Variants in GALNT13 observed in about 807,000 individuals in gnomAD.
GALNT13 encodes polypeptide N-acetylgalactosaminyltransferase 13.
Under a neutral mutation model 64.2 loss-of-function variants are expected in GALNT13, and 28 were observed. The observed-to-expected ratio is 0.44, with a 90% CI of 0.32 to 0.60. The LOEUF (loss-of-function observed/expected upper bound fraction) is 0.60, where lower values mean the gene tolerates loss of function less well. Among genes scored for constraint, GALNT13 ranks in the 20% least tolerant of loss-of-function variants. GALNT13 has a pLI of 0.05. For missense variants in GALNT13, 577 were observed against 669.8 expected (o/e 0.86, Z 1.53); for synonymous variants, 214 against 224.6 (o/e 0.95, Z 0.42).
the GALNT13 span, among the ~76,000 whole-genome samples, chr2:153,184,601 T>C: frequency 7.2e-5 from 11 of 152,172 alleles, no homozygotes; most frequent in African/African-American, 2.4e-4. Flanking sequence ...TGGTTGTGGG[T>C]TTGTCATATA....
intron 3 of GALNT13, among the ~76,000 whole-genome samples, chr2:154,073,657 A>T (rs1031087127): frequency 1.3e-5 from 2 of 151,980 alleles, no homozygotes; most frequent in East Asian, 1.9e-4. Context: ...TTCATTCAAA[A>T]TGCAAGATAA....
At chr2:153,472,690 CAAG>C in the GALNT13 span, among the ~76,000 whole-genome samples, 1 of 152,146 alleles carries the variant, frequency 6.6e-6, no homozygotes, top group South Asian at 2.1e-4. Context: ...TTTACCCACT[CAAG>C]AATACTTCAG....
the GALNT13 span, among the ~76,000 whole-genome samples, chr2:153,426,883 A>G: frequency 6.6e-6 from 1 of 152,062 alleles, no homozygotes; most frequent in African/African-American, 2.4e-5. Flanking sequence ...TTTATGTTTC[A>G]AGATAGCAAA....
chr2:154,401,758 ATAAAT>A (rs1699313039), intron 10 of GALNT13, among the ~76,000 whole-genome samples: 1 of 152,180 alleles, frequency 6.6e-6, no homozygotes, highest in African/African-American at 2.4e-5. Flanking sequence ...TATCCACCAA[ATAAAT>A]TAAATTGTTT....
At chr2:153,538,180 T>C in the GALNT13 span, among the ~76,000 whole-genome samples, 4 of 152,008 alleles carry the variant, frequency 2.6e-5, no homozygotes, top group Admixed American at 2.6e-4. Context: ...TTTTTGGGAA[T>C]TGGAATAAAG....
intron 4 of GALNT13, among the ~76,000 whole-genome samples, chr2:154,206,609 A>G (rs1687470937): frequency 6.6e-6 from 1 of 151,926 alleles, no homozygotes; most frequent in Admixed American, 6.6e-5. Flanking sequence ...AGCCTGACCA[A>G]CTTAGGGAAA....
At chr2:153,632,809 G>T in the GALNT13 span, among the ~76,000 whole-genome samples, 1 of 151,948 alleles carries the variant, frequency 6.6e-6, no homozygotes, top group Non-Finnish European at 1.5e-5. Context: ...CTAGAGTGAG[G>T]TGGGGCAATC....
At chr2:153,625,273 T>C in the GALNT13 span, among the ~76,000 whole-genome samples, 14 of 151,954 alleles carry the variant, frequency 9.2e-5, no homozygotes, top group Non-Finnish European at 1.6e-4. Flanking sequence ...ACCTGATAGA[T>C]GAAATTACCT....
the GALNT13 span, among the ~76,000 whole-genome samples, chr2:153,692,529 G>T: frequency 3.8e-3 from 576 of 152,234 alleles, 3 homozygotes; most frequent in Non-Finnish European, 6.6e-3. Flanking sequence ...TCCAGTTGTT[G>T]CTATTTCCAG....
At chr2:153,393,785 A>G in the GALNT13 span, among the ~76,000 whole-genome samples, 1 of 152,010 alleles carries the variant, frequency 6.6e-6, no homozygotes, top group East Asian at 1.9e-4. Flanking sequence ...CCAGAGGAAG[A>G]GGGGATTTTG....
the GALNT13 span, among the ~76,000 whole-genome samples, chr2:153,442,048 G>A: frequency 1.3e-5 from 2 of 152,158 alleles, no homozygotes; most frequent in Admixed American, 1.3e-4. Context: ...AATGCTTCCA[G>A]CTTTTGCCCA....
chr2:154,053,387 T>TTTC (rs1284022651), intron 3 of GALNT13, among the ~76,000 whole-genome samples: 2 of 152,284 alleles, frequency 1.3e-5, no homozygotes, highest in East Asian at 3.9e-4. Flanking sequence ...CTTAACTTTT[T>TTTC]TTTTTCTTTT....
At chr2:153,628,351 G>T in the GALNT13 span, among the ~76,000 whole-genome samples, 9 of 152,092 alleles carry the variant, frequency 5.9e-5, no homozygotes, top group East Asian at 5.8e-4. Context: ...TTCTCCTGCC[G>T]AATTGCCCTG....
At chr2:153,925,647 C>T (rs1402545562) in intron 2 of GALNT13, among the ~76,000 whole-genome samples, 3 of 151,952 alleles carry the variant, frequency 2.0e-5, no homozygotes, top group Non-Finnish European at 4.4e-5. Flanking sequence ...TTGCTTTAGG[C>T]AGGATGACCA....
At chr2:154,103,819 A>G (rs889644964) in intron 3 of GALNT13, among the ~76,000 whole-genome samples, 2 of 152,146 alleles carry the variant, frequency 1.3e-5, no homozygotes, top group African/African-American at 4.8e-5. Context: ...TATTTGGCGT[A>G]TGAACCCACT....
At chr2:154,404,625 A>T (rs799756) in intron 10 of GALNT13, among the ~76,000 whole-genome samples, 50,388 of 151,906 alleles carry the variant, frequency 0.33, 8,671 homozygotes, top group African/African-American at 0.42. Flanking sequence ...AGTACTTTGC[A>T]GGTGAGAAAA....
intron 3 of GALNT13, among the ~76,000 whole-genome samples, chr2:154,022,803 G>A (rs62173303): frequency 0.015 from 2,301 of 150,112 alleles, 32 homozygotes; most frequent in African/African-American, 0.023. Context: ...GTCAATTTGG[G>A]ATCTTTCCTG....
At chr2:153,368,222 G>A in the GALNT13 span, among the ~76,000 whole-genome samples, 66 of 152,184 alleles carry the variant, frequency 4.3e-4, no homozygotes, top group Admixed American at 4.3e-3. Context: ...TAGGAGGTGG[G>A]GCCTTTGGGA....
intron 12 of GALNT13, among the ~76,000 whole-genome samples, chr2:154,444,730 A>T (rs1019116671): frequency 4.6e-5 from 7 of 152,112 alleles, no homozygotes; most frequent in African/African-American, 1.7e-4. Flanking sequence ...AATAATGACA[A>T]ATATCTCTGA....
Sources: gnomAD v4.1 joint callset for allele counts (sites outside exome capture counted in the v4.1 genomes callset) on GRCh38, gnomAD v4.1.1 for gene constraint, MANE v1.5 for transcripts, NCBI Gene and HGNC (gene_info 2026-07-23, HGNC 2026-07-21) for gene names.